The following LRMDA variants were observed in gnomAD, a reference collection of about 807,000 sequenced individuals.
The protein encoded by LRMDA is leucine rich melanocyte differentiation associated.
A neutral mutation model predicts 29.8 loss-of-function variants in LRMDA; 18 were observed. The ratio of observed to expected loss-of-function variants is 0.60; its 90% CI spans 0.42 to 0.90. LRMDA has a LOEUF of 0.90. Ranked by LOEUF, LRMDA falls within the 40% of genes least tolerant of loss-of-function variation. LRMDA has a pLI of 0.00. For synonymous variants in LRMDA, 125 were observed against 109.4 expected, an observed-to-expected ratio of 1.14 and a Z score of -0.89; for missense variants, 273 against 273.9, an observed-to-expected ratio of 1.00 and a Z score of 0.02.
At chr10:75,914,599 G>C (rs1244714271) in intron 2 of LRMDA, among the ~76,000 whole-genome samples, 1 of 152,126 alleles carries the variant, frequency 6.6e-6, no homozygotes, top group East Asian at 1.9e-4. Context: ...AAGATCTATT[G>C]GTTCCCTTTT....
At chr10:75,602,604 A>AT (rs766643316) in intron 2 of LRMDA, among the ~76,000 whole-genome samples, 114 of 152,168 alleles carry the variant, frequency 7.5e-4, no homozygotes, top group Non-Finnish European at 1.5e-3. Context: ...AGGTAGGGGG[A>AT]TTACTGGGCT....
chr10:75,974,053 A>G (rs1847028474), intron 2 of LRMDA, among the ~76,000 whole-genome samples: 1 of 152,176 alleles, frequency 6.6e-6, no homozygotes, highest in African/African-American at 2.4e-5. Context: ...GCAAAACTAC[A>G]AACAACACAT....
chr10:76,007,440 C>T (rs1241072791), intron 2 of LRMDA, among the ~76,000 whole-genome samples: 1 of 152,180 alleles, frequency 6.6e-6, no homozygotes, highest in Non-Finnish European at 1.5e-5. Flanking sequence ...CACCCCCCAA[C>T]CATAATTGAT....
chr10:75,691,727 A>G (rs1201920467), intron 2 of LRMDA, among the ~76,000 whole-genome samples: 1 of 152,196 alleles, frequency 6.6e-6, no homozygotes, highest in African/African-American at 2.4e-5. Context: ...AGCTGTAATG[A>G]CAAGAGGAAG....
chr10:75,589,590 C>A (rs979911272), intron 2 of LRMDA, among the ~76,000 whole-genome samples: 22 of 151,670 alleles, frequency 1.5e-4, no homozygotes, highest in African/African-American at 4.1e-4. Context: ...CCCATCTCTA[C>A]AAAAAAACAA....
intron 2 of LRMDA, among the ~76,000 whole-genome samples, chr10:75,934,964 T>G (rs1413742479): frequency 2.0e-5 from 3 of 152,282 alleles, no homozygotes; most frequent in African/African-American, 7.2e-5. Flanking sequence ...TTGGGCTTTT[T>G]TCATGGCAGG....
intron 3 of LRMDA, among the ~76,000 whole-genome samples, chr10:76,045,760 T>A (rs1246237100): frequency 1.3e-5 from 2 of 152,142 alleles, no homozygotes; most frequent in Non-Finnish European, 2.9e-5. Flanking sequence ...AGAGAAAGAT[T>A]CAATTCCAGG....
chr10:76,253,371 A>G (rs1295799191), intron 5 of LRMDA, among the ~76,000 whole-genome samples: 1 of 152,094 alleles, frequency 6.6e-6, no homozygotes, highest in Non-Finnish European at 1.5e-5. Context: ...AAGCAATATC[A>G]TGGGGGATTT....
chr10:76,391,379 G>A (rs1051100117), intron 6 of LRMDA, among the ~76,000 whole-genome samples: 8 of 152,248 alleles, frequency 5.3e-5, no homozygotes, highest in East Asian at 1.9e-4. Context: ...GTTTTGTTTC[G>A]TTTTGTGGAA....
At chr10:76,337,549 A>C (rs987976072) in intron 6 of LRMDA, among the ~76,000 whole-genome samples, 6 of 152,292 alleles carry the variant, frequency 3.9e-5, no homozygotes, top group Middle Eastern at 3.4e-3. Context: ...TGCTCCTGGC[A>C]TACATGAAGC....
At position 75,738,476 on chromosome 10, in the gene LRMDA, T is replaced by G. The variant is rs563620627; in HGVS notation, c.132-297532T>G. Among the ~76,000 whole-genome samples the G allele has an allele frequency of 3.2e-4, 49 of 152,198 alleles. 1 individual carries two copies. Among genetic ancestry groups the G allele is most frequent in the Admixed American group, 1.5e-3 (23 of 15,282 alleles). ...TTAACCGGTGATAGTGCAGTCTAAT[T>G]GTGCAACTGGGAACAGACCAATTGT... On this transcript the variant is annotated intron_variant, in intron 2 of 6. Transcript: ENST00000611255.
At chr10:75,697,237 A>G (rs1842246423) in intron 2 of LRMDA, among the ~76,000 whole-genome samples, 1 of 152,138 alleles carries the variant, frequency 6.6e-6, no homozygotes, top group Non-Finnish European at 1.5e-5. Context: ...GATTTGGTCT[A>G]GAGAATGATT....
At chr10:76,395,212 T>A (rs768075272) in intron 6 of LRMDA, among the ~76,000 whole-genome samples, 1 of 152,192 alleles carries the variant, frequency 6.6e-6, no homozygotes, top group African/African-American at 2.4e-5. Flanking sequence ...AATTAAACCA[T>A]ATTTCTAGTC....
intron 2 of LRMDA, among the ~76,000 whole-genome samples, chr10:75,840,220 A>G (rs753399169): frequency 1.4e-4 from 21 of 152,136 alleles, no homozygotes; most frequent in Non-Finnish European, 2.6e-4. Context: ...ACTTGGAAGC[A>G]CAGTCCAGGC....
intron 5 of LRMDA, among the ~76,000 whole-genome samples, chr10:76,200,696 TTTTTTCTTTTTC>T (rs543220654): frequency 1.2e-4 from 18 of 151,848 alleles, no homozygotes; most frequent in African/African-American, 3.4e-4. Flanking sequence ...CACGTGTATA[TTTTTTCTTTTTC>T]TTTTTCTTTT....
intron 2 of LRMDA, among the ~76,000 whole-genome samples, chr10:75,645,186 T>C (rs534080037): frequency 6.6e-6 from 1 of 152,322 alleles, no homozygotes; most frequent in East Asian, 1.9e-4. Context: ...TTTTGCCATG[T>C]TGGCCAGGCT....
intron 2 of LRMDA, among the ~76,000 whole-genome samples, chr10:75,629,304 A>G (rs1841294051): frequency 6.6e-6 from 1 of 152,170 alleles, no homozygotes; most frequent in South Asian, 2.1e-4. Flanking sequence ...AATATAAATG[A>G]TGAATTGTAG....
chr10:75,859,885 G>A (rs1038181792), intron 2 of LRMDA, among the ~76,000 whole-genome samples: 2 of 152,010 alleles, frequency 1.3e-5, no homozygotes, highest in African/African-American at 4.8e-5. Context: ...TTTAGGCCTT[G>A]ATCCATTGAA....
intron 5 of LRMDA, among the ~76,000 whole-genome samples, chr10:76,193,304 G>A (rs1851279202): frequency 6.6e-6 from 1 of 152,104 alleles, no homozygotes. Context: ...ATTTAAACAT[G>A]TCTTTGATTG....
Sources: allele counts gnomAD v4.1 joint callset (sites outside exome capture counted in the v4.1 genomes callset), GRCh38; gene constraint gnomAD v4.1.1; transcripts MANE v1.5; gene names NCBI Gene and HGNC (gene_info 2026-07-23, HGNC 2026-07-21).